Variants in RASSF9 observed in about 807,000 individuals in gnomAD.
The protein encoded by RASSF9 is ras association domain-containing protein 9.
Under a neutral mutation model 21.4 loss-of-function variants are expected in RASSF9, and 18 were observed. The observed-to-expected ratio is 0.84, with a 90% CI of 0.58 to 1.25. The LOEUF (loss-of-function observed/expected upper bound fraction) is 1.25. RASSF9 is among the 50% of genes most tolerant of loss of function. The probability of loss-of-function intolerance (pLI) is 0.00; values close to 1 mark genes in which losing one functional copy is unlikely to be tolerated. For synonymous variants in RASSF9, 183 were observed against 179.1 expected, an observed-to-expected ratio of 1.02 and a Z score of -0.18; for missense variants, 480 against 503.2, an observed-to-expected ratio of 0.95 and a Z score of 0.44.
chr12:85,829,388 CAG>C (rs1880400856), intron 1 of RASSF9, among the ~76,000 whole-genome samples: 2 of 152,108 alleles, frequency 1.3e-5, no homozygotes, highest in African/African-American at 4.8e-5. Context: ...TTAGAATAAA[CAG>C]AAGTCAACTG....
Position 85,804,883 on chromosome 12 carries a change from T to A in RASSF9, c.1127A>T (p.Gln376Leu), listed in dbSNP as rs755032583. 6.2e-7 allele frequency: 1 copy of A among 1,613,852 alleles called. No individual in the cohort carries two copies. The highest frequency in any genetic ancestry group is 8.5e-7 in the Non-Finnish European group (1 of 1,179,738). ...TTCCTTCGCTCTGTTTTCCTTTAAC[T>A]GGCACCCATCTTTGTTGCTAATGTG... ...SLHISNKDGC[Q>L]LKENRAKESE... The change falls in exon 2 of 2, where the codon CAG becomes CTG. Residue 376 changes from glutamine to leucine, a missense_variant. By Grantham distance (113) the Gln-to-Leu change is moderately radical. Transcript: ENST00000361228.
intron 1 of RASSF9, among the ~76,000 whole-genome samples, chr12:85,826,627 T>TCTCAACCCAG (rs1187786493): frequency 0.048 from 7,355 of 151,690 alleles, 372 homozygotes; most frequent in African/African-American, 0.13. Context: ...TTTTGTATTT[T>TCTCAACCCAG]TAGTAGAGTC....
In RASSF9 at chr12:85,805,956, T is replaced by G. The variant is rs375508436; in HGVS notation, c.54A>C (p.Pro18=). The stretch of plus-strand genomic sequence containing the variant: ...TCTCTTCTGAATCCATGTCTTTAGT[T>G]GGAGATCTGAAAGAAAAACAAAAGC... The part of the protein sequence containing the change: ...LLKTRHKNRS[P]TKDMDSEEKE... The change falls in exon 2 of 2, where the codon CCA becomes CCC. Residue 18 remains proline (P), a synonymous_variant. Coordinates refer to ENST00000361228, the MANE Select transcript of RASSF9 (RefSeq NM_005447.4). 6.2e-7 allele frequency: 1 copy of G among 1,600,128 alleles called. No individual in the cohort carries two copies. The highest frequency in any genetic ancestry group is 2.2e-5 in the East Asian group (1 of 44,626).
chr12:85,812,280 G>C (rs1046916167), intron 1 of RASSF9, among the ~76,000 whole-genome samples: 1 of 151,312 alleles, frequency 6.6e-6, no homozygotes, highest in Non-Finnish European at 1.5e-5. Flanking sequence ...TATTAAATTT[G>C]ATAATATTAA....
chr12:85,823,799 C>T (rs1222394141), intron 1 of RASSF9, among the ~76,000 whole-genome samples: 1 of 152,174 alleles, frequency 6.6e-6, no homozygotes, highest in Non-Finnish European at 1.5e-5. Context: ...GAGCCCTCAG[C>T]CAATCAGCTG....
intron 1 of RASSF9, among the ~76,000 whole-genome samples, chr12:85,834,390 T>C (rs1238933860): frequency 1.3e-5 from 2 of 152,098 alleles, no homozygotes; most frequent in African/African-American, 4.8e-5. Flanking sequence ...CTTTTCATAA[T>C]TTTGCATAGA....
At chr12:85,810,595 G>A (rs1565752642) in intron 1 of RASSF9, among the ~76,000 whole-genome samples, 1 of 151,862 alleles carries the variant, frequency 6.6e-6, no homozygotes. Context: ...TTTGATCACA[G>A]CCCCATGAAA....
In RASSF9 at chr12:85,803,166, G is replaced by A. The variant is rs972661423; in HGVS notation, c.*1536C>T. The stretch of plus-strand genomic sequence containing the variant: ...TTTTAAATGAGTTAACAATAAAGTT[G>A]CTTTAAAAAATTAAATACTTTTCAA... On this transcript the variant is annotated 3_prime_UTR_variant, in exon 2 of 2. Transcript: ENST00000361228. The A allele has an allele frequency of 6.6e-6, 1 of 151,938 alleles. No homozygotes were observed. Among genetic ancestry groups the A allele is most frequent in the Non-Finnish European group, 1.5e-5 (1 of 67,974 alleles). 9.4% of individuals were successfully genotyped at this position (151,938 alleles called of 1,614,324 possible).
chr12:85,806,439 G>A (rs1420098549), intron 1 of RASSF9, among the ~76,000 whole-genome samples: 2 of 149,842 alleles, frequency 1.3e-5, no homozygotes, highest in Non-Finnish European at 3.0e-5. Flanking sequence ...TTCGCAGGCC[G>A]AGGCGGGTGG....
intron 1 of RASSF9, among the ~76,000 whole-genome samples, chr12:85,813,594 C>T (rs1181020799): frequency 1.3e-5 from 2 of 151,632 alleles, no homozygotes; most frequent in African/African-American, 4.8e-5. Context: ...ATTTGGCAAT[C>T]TTTATTCAGT....
At chr12:85,814,659 A>AAT (rs377432385) in intron 1 of RASSF9, among the ~76,000 whole-genome samples, 13 of 148,324 alleles carry the variant, frequency 8.8e-5, no homozygotes, top group Non-Finnish European at 1.8e-4. Flanking sequence ...ATGAATAGAA[A>AAT]TTTTTTTTTT....
At chr12:85,834,448 G>C (rs1880517561) in intron 1 of RASSF9, among the ~76,000 whole-genome samples, 1 of 152,054 alleles carries the variant, frequency 6.6e-6, no homozygotes, top group African/African-American at 2.4e-5. Flanking sequence ...AAGAAAGCTA[G>C]TTTTATAGGT....
At chr12:85,808,534 T>A (rs1057044390) in intron 1 of RASSF9, among the ~76,000 whole-genome samples, 1 of 152,064 alleles carries the variant, frequency 6.6e-6, no homozygotes, top group Non-Finnish European at 1.5e-5. Flanking sequence ...TTTTGATTAG[T>A]AGAGATATAA....
At chr12:85,824,120 A>G (rs958212956) in intron 1 of RASSF9, among the ~76,000 whole-genome samples, 1 of 151,832 alleles carries the variant, frequency 6.6e-6, no homozygotes, top group Non-Finnish European at 1.5e-5. Context: ...TTTTTTTTGC[A>G]TCTTGATATT....
At chr12:85,821,227 C>T (rs1018337000) in intron 1 of RASSF9, among the ~76,000 whole-genome samples, 2 of 152,016 alleles carry the variant, frequency 1.3e-5, no homozygotes, top group Non-Finnish European at 2.9e-5. Context: ...AAATAATCAC[C>T]TCAGAAAAAA....
At chr12:85,834,683 A>G (rs1176797304) in intron 1 of RASSF9, among the ~76,000 whole-genome samples, 2 of 152,134 alleles carry the variant, frequency 1.3e-5, no homozygotes, top group African/African-American at 4.8e-5. Flanking sequence ...ATGAAACCAT[A>G]AAGTTTTCCA....
intron 1 of RASSF9, among the ~76,000 whole-genome samples, chr12:85,821,954 A>C (rs1277662678): frequency 6.6e-6 from 1 of 152,190 alleles, no homozygotes; most frequent in African/African-American, 2.4e-5. Flanking sequence ...TATTTACCAG[A>C]TGAAATGGTG....
Position 85,805,104 on chromosome 12 carries a change from C to A in RASSF9, c.906G>T (p.Ala302=). The A allele has an allele frequency of 6.2e-7, 1 of 1,613,946 alleles. No individual in the cohort carries two copies. The highest frequency in any genetic ancestry group is 8.5e-7 in the Non-Finnish European group (1 of 1,179,894). The change falls in exon 2 of 2, where the codon GCG becomes GCT. Residue 302 remains alanine, a synonymous_variant. Coordinates refer to ENST00000361228, the MANE Select transcript of RASSF9 (RefSeq NM_005447.4). The stretch of plus-strand genomic sequence containing the variant: ...CCAGTTCACTTGCAGCTTCCCCTTC[C>A]GCATCTTCATTTATATCAATGCAAA... ...KSVCIDINED[A]EGEAASELES...
At chr12:85,823,041 A>G (rs1880250326) in intron 1 of RASSF9, among the ~76,000 whole-genome samples, 4 of 152,106 alleles carry the variant, frequency 2.6e-5, no homozygotes, top group Admixed American at 2.6e-4. Flanking sequence ...TCCACTAAAA[A>G]TACAAAAATT....
Sources: allele counts gnomAD v4.1 joint callset (sites outside exome capture counted in the v4.1 genomes callset), GRCh38; gene constraint gnomAD v4.1.1; transcripts MANE v1.5; gene names NCBI Gene and HGNC (gene_info 2026-07-23, HGNC 2026-07-21).